TTC27: variants seen among roughly 807,000 people sequenced by gnomAD.
The protein encoded by TTC27 is tetratricopeptide repeat domain 27.
TTC27 carries 79 observed loss-of-function variants against 115.9 expected under a neutral mutation model. That is an observed-to-expected ratio of 0.68 (90% confidence interval 0.57 to 0.82). The LOEUF (loss-of-function observed/expected upper bound fraction) is 0.82, where lower values mean the gene tolerates loss of function less well. Among genes scored for constraint, TTC27 ranks in the 40% least tolerant of loss-of-function variants. The pLI is 0.00. For synonymous variants in TTC27, 401 were observed against 356.0 expected (o/e 1.13, Z -1.42); for missense variants, 1,054 against 993.1 (o/e 1.06, Z -0.82).
At chr2:32,688,258 G>T (rs1421491869) in intron 9 of TTC27, among the ~76,000 whole-genome samples, 1 of 152,010 alleles carries the variant, frequency 6.6e-6, no homozygotes, top group Non-Finnish European at 1.5e-5. Context: ...AAACAGAGAA[G>T]AAATTTATAT....
At chr2:32,773,333 A>G (rs1287004470) in intron 13 of TTC27, among the ~76,000 whole-genome samples, 1 of 151,884 alleles carries the variant, frequency 6.6e-6, no homozygotes, top group Admixed American at 6.6e-5. Flanking sequence ...GTGGCCACCC[A>G]TTTTTCTATG....
intron 10 of TTC27, among the ~76,000 whole-genome samples, chr2:32,711,116 C>CAAAAAA (rs34140897): frequency 1.7e-3 from 104 of 59,590 alleles, no homozygotes; most frequent in African/African-American, 1.8e-3. Flanking sequence ...GACTCTGTCT[C>CAAAAAA]AAAAAAAAAA....
At chr2:32,648,591 G>C (rs1396946903) in intron 4 of TTC27, among the ~76,000 whole-genome samples, 1 of 151,738 alleles carries the variant, frequency 6.6e-6, no homozygotes, top group Non-Finnish European at 1.5e-5. Context: ...TTTTATATTG[G>C]CTTGTTGTTC....
chr2:32,774,957 ATACTTAAT>A (rs1232741821), intron 13 of TTC27, among the ~76,000 whole-genome samples: 39 of 152,348 alleles, frequency 2.6e-4, no homozygotes, highest in African/African-American at 8.9e-4. Flanking sequence ...GAGAACCATA[ATACTTAAT>A]GTTAAATTAA....
chr2:32,653,326 G>A (rs958007388), intron 5 of TTC27, among the ~76,000 whole-genome samples: 1 of 152,194 alleles, frequency 6.6e-6, no homozygotes, highest in Non-Finnish European at 1.5e-5. Context: ...TCTCCACGGT[G>A]GCTCATGCCT....
At chr2:32,758,895 T>G (rs927364979) in intron 13 of TTC27, among the ~76,000 whole-genome samples, 2 of 152,072 alleles carry the variant, frequency 1.3e-5, no homozygotes, top group African/African-American at 4.8e-5. Flanking sequence ...AAATCAGTAA[T>G]GAAAGAAAAA....
intron 5 of TTC27, among the ~76,000 whole-genome samples, chr2:32,652,102 G>A (rs927003202): frequency 2.0e-5 from 3 of 152,098 alleles, no homozygotes; most frequent in Non-Finnish European, 2.9e-5. Flanking sequence ...GGCCAGGCGC[G>A]TTGGCTCATG....
chr2:32,629,564 A>C (rs1168495009), intron 1 of TTC27, among the ~76,000 whole-genome samples: 1 of 151,890 alleles, frequency 6.6e-6, no homozygotes, highest in African/African-American at 2.4e-5. Flanking sequence ...CCTCCCGAGT[A>C]GCTGGGACTA....
intron 16 of TTC27, among the ~76,000 whole-genome samples, chr2:32,788,812 C>T (rs982244197): frequency 1.3e-5 from 2 of 152,192 alleles, no homozygotes; most frequent in African/African-American, 4.8e-5. Context: ...CAGTAAGAGA[C>T]AGACTTATTA....
At chr2:32,749,060 T>G (rs1467288345) in intron 12 of TTC27, among the ~76,000 whole-genome samples, 1 of 152,164 alleles carries the variant, frequency 6.6e-6, no homozygotes, top group East Asian at 1.9e-4. Context: ...TTAGTAAGTC[T>G]AATATCTGGG....
intron 10 of TTC27, among the ~76,000 whole-genome samples, chr2:32,727,864 A>G (rs980129424): frequency 3.3e-5 from 5 of 152,080 alleles, no homozygotes; most frequent in Admixed American, 6.6e-5. Context: ...TATTTCTAAT[A>G]TGATAAATAT....
intron 9 of TTC27, among the ~76,000 whole-genome samples, chr2:32,688,129 C>A (rs1304590116): frequency 6.6e-6 from 1 of 152,096 alleles, no homozygotes; most frequent in Non-Finnish European, 1.5e-5. Context: ...ACATATAGTA[C>A]TTAGCTTTTT....
chr2:32,650,113 C>T lies in TTC27; in HGVS notation c.538-18C>T, dbSNP rs201120562. 280 of 1,593,396 alleles carry T rather than the reference C, an allele frequency of 1.8e-4. No individual in the cohort carries two copies. Among genetic ancestry groups the T allele is most frequent in the Admixed American group, 4.4e-4 (26 of 59,186 alleles). Reference sequence around the variant, plus strand: ...TAAAGTATCCTTTTATTTCAGCTTACGTGGTGTTTTTTCCTAGAGCTTGCC... The same window carrying T: ...TAAAGTATCCTTTTATTTCAGCTTATGTGGTGTTTTTTCCTAGAGCTTGCC... On this transcript the variant is annotated intron_variant, in intron 4 of 19. Transcript: ENST00000317907.
chr2:32,754,212 T>C (rs1410748370), intron 12 of TTC27, among the ~76,000 whole-genome samples: 3 of 151,310 alleles, frequency 2.0e-5, no homozygotes, highest in Non-Finnish European at 1.5e-5. Context: ...GCCAGGGTCA[T>C]AGGACAATAG....
intron 12 of TTC27, among the ~76,000 whole-genome samples, chr2:32,750,389 A>G (rs1312131918): frequency 1.3e-5 from 2 of 152,148 alleles, no homozygotes; most frequent in South Asian, 2.1e-4. Context: ...GACCATGACA[A>G]CTTTCCAAGA....
At position 32,650,114 on chromosome 2, in the gene TTC27, G is replaced by T; in HGVS notation, c.538-17G>T. On this transcript the variant is annotated splice_polypyrimidine_tract_variant and intron_variant, in intron 4 of 19. Coordinates refer to ENST00000317907, the MANE Select transcript of TTC27 (RefSeq NM_017735.5). ...AAAGTATCCTTTTATTTCAGCTTACGTGGTGTTTTTTCCTAGAGCTTGCCA... is the reference window on the plus strand; with the variant it reads ...AAAGTATCCTTTTATTTCAGCTTACTTGGTGTTTTTTCCTAGAGCTTGCCA... 1.3e-6 allele frequency: 2 copies of T among 1,597,312 alleles called. No homozygotes were observed. The highest frequency in any genetic ancestry group is 2.2e-5 in the East Asian group (1 of 44,742).
At chr2:32,763,246 A>G (rs1669508839) in intron 13 of TTC27, among the ~76,000 whole-genome samples, 1 of 152,206 alleles carries the variant, frequency 6.6e-6, no homozygotes. Flanking sequence ...ACAAGATGCA[A>G]ACTTGAACAC....
chr2:32,750,540 A>T (rs1668974344), intron 12 of TTC27, among the ~76,000 whole-genome samples: 1 of 152,244 alleles, frequency 6.6e-6, no homozygotes, highest in Non-Finnish European at 1.5e-5. Flanking sequence ...AATCCAGTAC[A>T]TATGACTATG....
chr2:32,708,304 G>GTTTTTTTTTTGTTTTTTTTTTTTTTT (rs1667450631), intron 10 of TTC27, among the ~76,000 whole-genome samples: 4 of 61,348 alleles, frequency 6.5e-5, no homozygotes, highest in Non-Finnish European at 1.2e-4. Context: ...TCTCTACCTT[G>GTTTTTTTTTTGTTTTTTTTTTTTTTT]TTTTTTTTTT....
Sources: gnomAD v4.1 joint callset for allele counts (sites outside exome capture counted in the v4.1 genomes callset) on GRCh38, gnomAD v4.1.1 for gene constraint, MANE v1.5 for transcripts, NCBI Gene and HGNC (gene_info 2026-07-23, HGNC 2026-07-21) for gene names.